TET1: variants seen among roughly 807,000 people sequenced by gnomAD.
The protein encoded by TET1 is methylcytosine dioxygenase TET1.
In TET1, 13 loss-of-function variants were observed where a neutral mutation model predicts 148.7. The observed-to-expected ratio is 0.09, with a 90% CI of 0.06 to 0.14. The LOEUF (loss-of-function observed/expected upper bound fraction) is 0.14, where lower values mean the gene tolerates loss of function less well. TET1 is among the 10% of genes least tolerant of loss of function. The pLI is 1.00. For synonymous variants in TET1, 907 were observed against 937.2 expected (o/e 0.97, Z 0.59); for missense variants, 2,182 against 2,553.8 (o/e 0.85, Z 3.14).
intron 3 of TET1, among the ~76,000 whole-genome samples, chr10:68,640,530 TTCTTTCTTTCTTTC>T (rs2054730598): frequency 8.6e-6 from 1 of 116,794 alleles, no homozygotes; most frequent in African/African-American, 3.2e-5. Context: ...AATATTCTTT[TTCTTTCTTTCTTTC>T]TTTTTTTTTT....
intron 10 of TET1, among the ~76,000 whole-genome samples, chr10:68,684,234 T>A (rs1291484932): frequency 6.6e-6 from 1 of 152,116 alleles, no homozygotes. Flanking sequence ...AATATACAAT[T>A]TTTAAAAAAT....
chr10:68,675,218 T>C lies in TET1; in HGVS notation c.4824+2173T>C, dbSNP rs1027474214. On this transcript the variant is annotated intron_variant, in intron 8 of 11. Transcript: ENST00000373644. ...CAAAACATTCAAGGAAAATGCATATTATGAATAAACTATGTATGGATTTCA... is the reference window on the plus strand; with the variant it reads ...CAAAACATTCAAGGAAAATGCATATCATGAATAAACTATGTATGGATTTCA... 9 of 240,186 alleles carry C rather than the reference T, an allele frequency of 3.7e-5. No individual in the cohort carries two copies. The Admixed American group carries it at 4.2e-4, about 11-fold the overall frequency. 14.9% of individuals were successfully genotyped at this position (240,186 alleles called of 1,614,324 possible).
At chr10:68,607,020 G>T (rs1180882349) in intron 3 of TET1, among the ~76,000 whole-genome samples, 1 of 152,078 alleles carries the variant, frequency 6.6e-6, no homozygotes, top group African/African-American at 2.4e-5. Flanking sequence ...TCATATACAG[G>T]CATTCGTTTA....
intron 1 of TET1, among the ~76,000 whole-genome samples, chr10:68,571,760 A>G (rs1299328357): frequency 6.6e-6 from 1 of 152,084 alleles, no homozygotes; most frequent in East Asian, 1.9e-4. Context: ...CCTGGCCTCA[A>G]GTCATCTTCC....
intron 8 of TET1, among the ~76,000 whole-genome samples, chr10:68,675,532 G>C (rs1405063702): frequency 6.6e-6 from 1 of 151,200 alleles, no homozygotes; most frequent in East Asian, 1.9e-4. Context: ...CGATTTTGAA[G>C]ATGAAGGCCA....
At chr10:68,619,125 G>A (rs998495391) in intron 3 of TET1, among the ~76,000 whole-genome samples, 1 of 152,046 alleles carries the variant, frequency 6.6e-6, no homozygotes, top group African/African-American at 2.4e-5. Context: ...TATATCAGAG[G>A]TGCAGTCTTG....
chr10:68,645,597 T>C lies in TET1; in HGVS notation c.2868T>C (p.Cys956=). Residue 956 remains cysteine (C), a synonymous_variant, in exon 4 of 12, where the codon TGT becomes TGC. Coordinates refer to ENST00000373644, the MANE Select transcript of TET1 (RefSeq NM_030625.3). ...LQGEPPKLNH[C]PSLEKQSSCN... ...GAGAGCCACCAAAACTTAATCACTG[T>C]CCATCTTTGGAAAAACAAAGTTCAT... is the stretch of plus-strand genomic sequence containing the variant. The C allele has an allele frequency of 6.2e-7, 1 of 1,614,144 alleles. No individual in the cohort carries two copies. Among genetic ancestry groups the C allele is most frequent in the Non-Finnish European group, 8.5e-7 (1 of 1,180,032 alleles).
At chr10:68,619,881 A>G (rs1022966636) in intron 3 of TET1, among the ~76,000 whole-genome samples, 1 of 152,174 alleles carries the variant, frequency 6.6e-6, no homozygotes, top group Non-Finnish European at 1.5e-5. Flanking sequence ...TGTATACCAT[A>G]CAGTTCACTC....
chr10:68,622,158 C>T (rs1395283865), intron 3 of TET1, among the ~76,000 whole-genome samples: 1 of 151,242 alleles, frequency 6.6e-6, no homozygotes, highest in Non-Finnish European at 1.5e-5. Flanking sequence ...ATATAGGATA[C>T]CTATGCCCTT....
chr10:68,565,467 A>AC (rs2053596788), intron 1 of TET1, among the ~76,000 whole-genome samples: 2 of 43,658 alleles, frequency 4.6e-5, no homozygotes, highest in African/African-American at 7.7e-5. Flanking sequence ...CCCTGTTTAA[A>AC]AAAAAAAAAT....
intron 6 of TET1, among the ~76,000 whole-genome samples, chr10:68,662,378 C>T (rs1324528762): frequency 6.6e-6 from 1 of 152,080 alleles, no homozygotes; most frequent in African/African-American, 2.4e-5. Context: ...CATTGTACAT[C>T]TAAGGTGAAA....
intron 1 of TET1, among the ~76,000 whole-genome samples, chr10:68,568,658 C>A (rs2053633511): frequency 6.6e-6 from 1 of 152,066 alleles, no homozygotes; most frequent in Non-Finnish European, 1.5e-5. Context: ...GGGTCAAAAC[C>A]CAGAGTCAAG....
chr10:68,565,368 C>T (rs531492648), intron 1 of TET1, among the ~76,000 whole-genome samples: 1 of 150,584 alleles, frequency 6.6e-6, no homozygotes, highest in South Asian at 2.1e-4. Context: ...GTAGTGCCAG[C>T]TACTTGGGAA....
chr10:68,589,947 C>T (rs1264308822), intron 2 of TET1, among the ~76,000 whole-genome samples: 2 of 152,092 alleles, frequency 1.3e-5, no homozygotes, highest in Non-Finnish European at 2.9e-5. Flanking sequence ...GCTGAGATTA[C>T]AAGTGTGAGC....
chr10:68,693,836 T>C lies in TET1; in HGVS notation c.*2022T>C, dbSNP rs188315974. On this transcript the variant is annotated 3_prime_UTR_variant, in exon 12 of 12. Coordinates refer to ENST00000373644, the MANE Select transcript of TET1 (RefSeq NM_030625.3). ...TTTAGGCCTTAGCTCCCACTAGAAA[T>C]TATTTCTTCACCAGATTTAATGGAT... 1.7e-3 allele frequency: 381 copies of C among 230,856 alleles called. 2 individuals carry two copies. Among genetic ancestry groups the C allele is most frequent in the Middle Eastern group, 7.8e-3 (6 of 766 alleles). 14.3% of individuals were successfully genotyped at this position (230,856 alleles called of 1,614,324 possible). A position where few individuals can be genotyped will look rare whatever the true frequency, so the allele number is the denominator to read the frequency against.
chr10:68,654,392 G>T (rs1296784651), intron 6 of TET1, among the ~76,000 whole-genome samples: 1 of 152,134 alleles, frequency 6.6e-6, no homozygotes, highest in Non-Finnish European at 1.5e-5. Flanking sequence ...GAGTGGGGCA[G>T]ATCACCAGAG....
intron 8 of TET1, among the ~76,000 whole-genome samples, chr10:68,679,328 G>C (rs1430016288): frequency 6.6e-6 from 1 of 152,182 alleles, no homozygotes; most frequent in Non-Finnish European, 1.5e-5. Context: ...TAGGACTTGT[G>C]ACTCTGTGTG....
At position 68,645,943 on chromosome 10, in the gene TET1, C is replaced by A. The variant is rs761880258; in HGVS notation, c.3214C>A (p.Gln1072Lys). ...DLSCQDATHT[Q>K]IEEDVATQLT... The stretch of plus-strand genomic sequence containing the variant: ...ATCATGTCAGGATGCAACCCATACC[C>A]AAATTGAGGAAGATGTTGCAACACA... The change falls in exon 4 of 12, where the codon CAA becomes AAA. Residue 1072 changes from glutamine (Q) to lysine (K), a missense_variant. Coordinates refer to ENST00000373644, the MANE Select transcript of TET1 (RefSeq NM_030625.3). 31 of 1,613,722 alleles carry A rather than the reference C, an allele frequency of 1.9e-5. No individual in the cohort carries two copies. The highest frequency in any genetic ancestry group is 1.2e-4 in the Admixed American group (7 of 59,942).
intron 6 of TET1, among the ~76,000 whole-genome samples, chr10:68,662,867 G>T (rs1284556811): frequency 6.6e-6 from 1 of 152,190 alleles, no homozygotes; most frequent in East Asian, 1.9e-4. Flanking sequence ...CATACAGTGA[G>T]CCATGATCAA....
Sources: gnomAD v4.1 joint callset for allele counts (sites outside exome capture counted in the v4.1 genomes callset) on GRCh38, gnomAD v4.1.1 for gene constraint, MANE v1.5 for transcripts, NCBI Gene and HGNC (gene_info 2026-07-23, HGNC 2026-07-21) for gene names.